AGXT: variants seen among roughly 807,000 people sequenced by gnomAD.
AGXT encodes the protein L-alanine: glyoxylate aminotransferase 1.
AGXT carries 41 observed loss-of-function variants against 46.9 expected under a neutral mutation model. That is an observed-to-expected ratio of 0.88 (90% confidence interval 0.68 to 1.14). The LOEUF (loss-of-function observed/expected upper bound fraction) is 1.14, where lower values mean the gene tolerates loss of function less well. Among genes scored for constraint, AGXT ranks in the 50% most tolerant of loss-of-function variants. AGXT has a pLI of 0.00. For synonymous variants in AGXT, 244 were observed against 227.9 expected (o/e 1.07, Z -0.64); for missense variants, 525 against 522.7 (o/e 1.00, Z -0.04).
At chr2:240,871,756 C>T (rs527938623) in intron 4 of AGXT, among the ~76,000 whole-genome samples, 27 of 152,350 alleles carry the variant, frequency 1.8e-4, no homozygotes, top group African/African-American at 6.5e-4. Flanking sequence ...GTCCCCACCT[C>T]ACCCCGAGAT....
intron 2 of AGXT, 113 bp downstream of exon 2, chr2:240,869,475 T>C (rs2058979797): frequency 7.8e-7 from 1 of 1,282,836 alleles, no homozygotes; most frequent in South Asian, 1.5e-5. Context: ...TTACCCACCT[T>C]GTGGCCCTGT....
rs765812098 is a variant in AGXT, at chr2:240,871,380, T to C, written c.455T>C (p.Phe152Ser). The C allele has an allele frequency of 3.8e-6, 6 of 1,597,596 alleles. No individual in the cohort carries two copies. The highest frequency in any genetic ancestry group is 3.4e-6 in the Non-Finnish European group (4 of 1,172,764). ...GCCCAGCACAAGCCAGTGCTGCTGTTCTTAACCCACGGGGAGTCGTCCACC... is the reference window on the plus strand; with the variant it reads ...GCCCAGCACAAGCCAGTGCTGCTGTCCTTAACCCACGGGGAGTCGTCCACC... The part of the protein sequence containing the change: ...GLAQHKPVLL[F>S]LTHGESSTGV... The change falls in exon 4 of 11, where the codon TTC becomes TCC. Residue 152 changes from phenylalanine (F) to serine (S), a missense_variant. Phe to Ser is a radical substitution (Grantham distance 155, BLOSUM62 -2). Coordinates refer to ENST00000307503, the MANE Select transcript of AGXT (RefSeq NM_000030.3).
In AGXT at chr2:240,878,101, A is replaced by T; in HGVS notation, c.1022A>T (p.Asp341Val). 6.2e-7 allele frequency: 1 copy of T among 1,613,340 alleles called. No individual in the cohort carries two copies. The highest frequency in any genetic ancestry group is 8.5e-7 in the Non-Finnish European group (1 of 1,179,992). ...AGAGACATCGTCAGCTACGTCATAG[A>T]CCACTTCGACATTGAGATCATGGGT... ...DWRDIVSYVI[D>V]HFDIEIMGGL... The change falls in exon 10 of 11, where the codon GAC (aspartate) becomes GTC (valine). Residue 341 changes from aspartate (D) to valine (V), a missense_variant. Physicochemically the swap from Asp to Val is radical, Grantham distance 152. Transcript: ENST00000307503.
intron 3 of AGXT, 38 bp downstream of exon 3, chr2:240,870,746 G>A (rs2058986747): frequency 1.9e-6 from 3 of 1,542,824 alleles, no homozygotes; most frequent in South Asian, 1.2e-5. Flanking sequence ...CCGGGAGGAG[G>A]TGGGAGTGGG....
chr2:240,877,521 G>T lies in AGXT; in HGVS notation c.847-16G>T. ...CCCACCCATGTCACTGCCCACCAGC[G>T]CCATCTCCCACACAGGGCCTGGAGA... On this transcript the variant is annotated splice_polypyrimidine_tract_variant and intron_variant, in intron 8 of 10. Transcript: ENST00000307503. 3.9e-6 allele frequency: 6 copies of T among 1,541,036 alleles called. No homozygotes were observed. The highest frequency in any genetic ancestry group is 5.3e-6 in the Non-Finnish European group (6 of 1,140,570).
At chr2:240,870,271 G>A (rs1167006403) in intron 2 of AGXT, among the ~76,000 whole-genome samples, 1 of 152,102 alleles carries the variant, frequency 6.6e-6, no homozygotes, top group Non-Finnish European at 1.5e-5. Flanking sequence ...CACCTGTGGT[G>A]TGCCAGCCCT....
intron 8 of AGXT, chr2:240,877,085 G>C: frequency 3.1e-6 from 1 of 321,338 alleles, no homozygotes; most frequent in South Asian, 2.6e-5. Flanking sequence ...GGGCTGGAGA[G>C]ACCACCCCTC....
intron 4 of AGXT, 140 bp downstream of exon 4, chr2:240,871,589 C>T (rs1041263627): frequency 6.3e-6 from 5 of 794,262 alleles, no homozygotes; most frequent in African/African-American, 1.7e-5. Context: ...GCAGGCACCT[C>T]CCAGGTCCTC....
Position 240,874,010 on chromosome 2 carries a change from G to A in AGXT, c.628G>A (p.Ala210Thr). 1 of 1,613,698 alleles carries A rather than the reference G, an allele frequency of 6.2e-7. No homozygotes were observed. The highest frequency in any genetic ancestry group is 8.5e-7 in the Non-Finnish European group (1 of 1,180,020). ...CATCCTGTACTCGGGCTCCCAGAAG[G>A]CCCTGAACGCCCCTCCAGGGACCTC... is the stretch of plus-strand genomic sequence containing the variant. ...IDILYSGSQK[A>T]LNAPPGTSLI... Residue 210 changes from alanine (A) to threonine (T), a missense_variant, in exon 6 of 11, where the codon GCC becomes ACC. Ala to Thr is a moderately conservative substitution (Grantham distance 58). Transcript: ENST00000307503.
rs192950967 is a variant in AGXT at position 240,868,842 on chromosome 2, C to G, written c.-24C>G. 3.8e-4 allele frequency: 605 copies of G among 1,603,376 alleles called. 6 individuals carry two copies. The East Asian group carries it at 0.012, about 32-fold the overall frequency. On this transcript the variant is annotated 5_prime_UTR_variant, in exon 1 of 11. Coordinates refer to ENST00000307503, the MANE Select transcript of AGXT (RefSeq NM_000030.3). ...CAAGGCCAGTGCAGCCCCAGGTTCC[C>G]GAGCGGCAGGTTGGGTGCGGACCAT...
In AGXT at chr2:240,869,356, C is replaced by A. The variant is rs376844297; in HGVS notation, c.352C>A (p.Arg118Ser). The A allele has an allele frequency of 1.3e-6, 2 of 1,591,258 alleles. No homozygotes were observed. Among genetic ancestry groups the A allele is most frequent in the Non-Finnish European group, 1.7e-6 (2 of 1,167,544 alleles). The change falls in exon 2 of 11, where the codon CGC becomes AGC. Residue 118 changes from arginine (R) to serine (S), a missense_variant. Arg to Ser is a moderately radical substitution (Grantham distance 110). Transcript: ENST00000307503. ...GCAGCGAGCCGTGGACATCGGGGAG[C>A]GCATAGGTAAGGGAGAGGCCCAGGT... ...WGQRAVDIGE[R>S]IGARVHPMTK...
intron 9 of AGXT, 145 bp from the exon 10 acceptor site, chr2:240,877,877 G>A (rs2059036055): frequency 7.6e-6 from 9 of 1,186,200 alleles, no homozygotes; most frequent in Non-Finnish European, 1.1e-5. Flanking sequence ...CGCCTCCTAA[G>A]GGGTGGGGTC....
intron 2 of AGXT, 21 bp downstream of exon 2, chr2:240,869,383 G>A (rs1475727432): frequency 3.2e-6 from 5 of 1,560,292 alleles, no homozygotes; most frequent in Admixed American, 3.6e-5. Flanking sequence ...GGCCCAGGTG[G>A]GGATGGCCCT....
At chr2:240,873,738 C>T (rs1009466344) in intron 5 of AGXT, among the ~76,000 whole-genome samples, 1 of 152,094 alleles carries the variant, frequency 6.6e-6, no homozygotes, top group Non-Finnish European at 1.5e-5. Context: ...CAGGGCTGTC[C>T]CTGGGGACCA....
rs755236674 is a variant in AGXT at position 240,869,355 on chromosome 2, G to A, written c.351G>A (p.Glu117=). The A allele has an allele frequency of 3.1e-6, 5 of 1,592,854 alleles. No homozygotes were observed. Among genetic ancestry groups the A allele is most frequent in the African/African-American group, 1.3e-5 (1 of 74,834 alleles). The change falls in exon 2 of 11, where the codon GAG becomes GAA. Residue 117 remains glutamate (E), a synonymous_variant. Transcript: ENST00000307503. Reference sequence around the variant, plus strand: ...GGCAGCGAGCCGTGGACATCGGGGAGCGCATAGGTAAGGGAGAGGCCCAGG... The same window carrying A: ...GGCAGCGAGCCGTGGACATCGGGGAACGCATAGGTAAGGGAGAGGCCCAGG... ...IWGQRAVDIG[E]RIGARVHPMT...
At position 240,879,098 on chromosome 2, in the gene AGXT, A is replaced by G; in HGVS notation, c.*277A>G. The G allele has an allele frequency of 3.6e-6, 2 of 559,096 alleles. No homozygotes were observed. Among genetic ancestry groups the G allele is most frequent in the South Asian group, 2.0e-5 (1 of 49,904 alleles). The allele number at this position is 559,096 out of a possible 1,614,324, so 34.6% of individuals were successfully genotyped here. A position where few individuals can be genotyped will look rare whatever the true frequency, so the allele number is the denominator to read the frequency against. On this transcript the variant is annotated 3_prime_UTR_variant, in exon 11 of 11. Transcript: ENST00000307503. Reference sequence around the variant, plus strand: ...TGAGCCTCCCGGGAATGTTTAATAAAGGGCCTGGCCAACTCTCCTCACTGT... The same window carrying G: ...TGAGCCTCCCGGGAATGTTTAATAAGGGGCCTGGCCAACTCTCCTCACTGT...
Position 240,873,171 on chromosome 2 carries a change from G to A in AGXT, c.595+122G>A, listed in dbSNP as rs1428262959. 4.8e-6 allele frequency: 4 copies of A among 837,960 alleles called. No homozygotes were observed. In the African/African-American group the frequency reaches 6.7e-5, roughly 14 times the overall value. The allele number at this position is 837,960 out of a possible 1,614,324, so 51.9% of individuals were successfully genotyped here. A position where few individuals can be genotyped will look rare whatever the true frequency, so the allele number is the denominator to read the frequency against. ...TGCGGATTCGGCCCCATCTCCACCAGGCCCAGGGAAACACTCACTCCTTAC... is the reference window on the plus strand; with the variant it reads ...TGCGGATTCGGCCCCATCTCCACCAAGCCCAGGGAAACACTCACTCCTTAC... On this transcript the variant is annotated intron_variant, in intron 5 of 10. Transcript: ENST00000307503.
chr2:240,875,097 C>A lies in AGXT; in HGVS notation c.681-12C>A, dbSNP rs1259676844. 1 of 1,599,928 alleles carries A rather than the reference C, an allele frequency of 6.3e-7. No homozygotes were observed. The highest frequency in any genetic ancestry group is 1.7e-5 in the Admixed American group (1 of 59,990). ...TGAGAGGCTGGTGCTCAGCCTGCTT[C>A]TTTCTCCCCAGAAAGAAGATGTACT... On this transcript the variant is annotated splice_polypyrimidine_tract_variant and intron_variant, in intron 6 of 10. Coordinates refer to ENST00000307503, the MANE Select transcript of AGXT (RefSeq NM_000030.3).
chr2:240,875,840 G>C, intron 7 of AGXT, 95 bp from the exon 8 acceptor site: 1 of 1,347,562 alleles, frequency 7.4e-7, no homozygotes, highest in Non-Finnish European at 1.1e-6. Context: ...TGGTCAGAGA[G>C]CCTGTGCTGT....
Sources: allele counts gnomAD v4.1 joint callset (sites outside exome capture counted in the v4.1 genomes callset), GRCh38; gene constraint gnomAD v4.1.1; transcripts MANE v1.5; gene names NCBI Gene and HGNC (gene_info 2026-07-23, HGNC 2026-07-21).